TMC7: variants seen among roughly 807,000 people sequenced by gnomAD.
TMC7 encodes transmembrane channel like 7.
TMC7 carries 54 observed loss-of-function variants against 82.9 expected under a neutral mutation model. The observed-to-expected ratio is 0.65, with a 90% CI of 0.52 to 0.82. TMC7 has a LOEUF of 0.82. Among genes scored for constraint, TMC7 ranks in the 40% least tolerant of loss-of-function variants. TMC7 has a pLI of 0.00. For synonymous variants in TMC7, 350 were observed against 337.9 expected (o/e 1.04, Z -0.39); for missense variants, 820 against 901.2 (o/e 0.91, Z 1.15).
chr16:19,003,420 C>T (rs1197175220), intron 1 of TMC7, among the ~76,000 whole-genome samples: 5 of 148,880 alleles, frequency 3.4e-5, no homozygotes, highest in Non-Finnish European at 7.4e-5. Context: ...GGGGTCAGCC[C>T]CCCTGCCCGG....
chr16:19,017,739 G>A (rs911558016), intron 3 of TMC7, among the ~76,000 whole-genome samples: 6 of 144,510 alleles, frequency 4.2e-5, no homozygotes, highest in Middle Eastern at 3.6e-3. Context: ...GTGCAATCTC[G>A]GCTCACTGCA....
chr16:19,041,579 C>T (rs577402581), intron 9 of TMC7, among the ~76,000 whole-genome samples: 7 of 152,050 alleles, frequency 4.6e-5, no homozygotes, highest in Non-Finnish European at 1.0e-4. Context: ...ACCATGTTGG[C>T]CAGGCTGGTC....
intron 2 of TMC7, among the ~76,000 whole-genome samples, chr16:19,010,500 G>A (rs893900088): frequency 6.6e-6 from 1 of 152,108 alleles, no homozygotes; most frequent in Non-Finnish European, 1.5e-5. Context: ...AGGTCAGTGG[G>A]GGACTTTGCA....
intron 1 of TMC7, among the ~76,000 whole-genome samples, chr16:19,006,921 ATTC>A (rs2039250149): frequency 6.6e-6 from 1 of 151,702 alleles, no homozygotes; most frequent in African/African-American, 2.4e-5. Context: ...GGTTCAAGCT[ATTC>A]TTCTACCTCA....
intron 11 of TMC7, among the ~76,000 whole-genome samples, chr16:19,046,811 T>TAAC (rs1455569577): frequency 6.8e-6 from 1 of 146,072 alleles, no homozygotes; most frequent in African/African-American, 2.6e-5. Flanking sequence ...CCATACTGAG[T>TAAC]AACAGAGTGA....
intron 1 of TMC7, among the ~76,000 whole-genome samples, chr16:18,991,304 T>G (rs1420354204): frequency 2.0e-5 from 3 of 152,122 alleles, no homozygotes; most frequent in Non-Finnish European, 4.4e-5. Flanking sequence ...AAACAGGTAT[T>G]AAAGGACTAA....
chr16:19,026,120 T>TA (rs1483534613), intron 5 of TMC7, among the ~76,000 whole-genome samples: 1 of 151,382 alleles, frequency 6.6e-6, no homozygotes, highest in Non-Finnish European at 1.5e-5. Context: ...CACGTTTTCC[T>TA]AAAAACAACC....
In TMC7 at chr16:19,029,806, G is replaced by A. The variant is rs564608013; in HGVS notation, c.712-418G>A. Among the ~76,000 whole-genome samples, 55 of 151,346 alleles carry A rather than the reference G, an allele frequency of 3.6e-4. No individual in the cohort carries two copies. In the South Asian group the frequency reaches 0.011, roughly 31 times the overall value. Reference sequence around the variant, plus strand: ...AGTGATTCTCCTGCCTCAGCCTCCCGAGTTCAAGTGATTCTCCTGCCTCAG... The same window carrying A: ...AGTGATTCTCCTGCCTCAGCCTCCCAAGTTCAAGTGATTCTCCTGCCTCAG... On this transcript the variant is annotated intron_variant, in intron 5 of 15. Transcript: ENST00000304381.
intron 2 of TMC7, among the ~76,000 whole-genome samples, chr16:19,013,406 A>G (rs1959489880): frequency 6.6e-6 from 1 of 151,288 alleles, no homozygotes; most frequent in East Asian, 2.0e-4. Flanking sequence ...TAGTAGAGAC[A>G]GGGTTTCTCC....
At chr16:18,986,379 A>G (rs1481433548) in intron 1 of TMC7, among the ~76,000 whole-genome samples, 1 of 142,180 alleles carries the variant, frequency 7.0e-6, no homozygotes, top group African/African-American at 2.7e-5. Flanking sequence ...TGGGTGACAG[A>G]GACTCTGTCT....
chr16:18,992,167 G>GCCACA (rs1285131103), intron 1 of TMC7, among the ~76,000 whole-genome samples: 1 of 152,170 alleles, frequency 6.6e-6, no homozygotes, highest in African/African-American at 2.4e-5. Context: ...CTGAGGAATT[G>GCCACA]CCACACTGTC....
intron 6 of TMC7, among the ~76,000 whole-genome samples, chr16:19,032,547 T>TAAA (rs199666328): frequency 0.01 from 1,351 of 132,568 alleles, 30 homozygotes; most frequent in African/African-American, 0.035. Flanking sequence ...TTGTAAATGA[T>TAAA]AAAAAAAAAA....
intron 1 of TMC7, among the ~76,000 whole-genome samples, chr16:18,986,030 C>A (rs2142103120): frequency 6.9e-6 from 1 of 145,126 alleles, no homozygotes; most frequent in South Asian, 2.2e-4. Context: ...TAGACCCTGT[C>A]TCTAAAAAAA....
chr16:19,031,885 T>C (rs1020055309), intron 6 of TMC7, among the ~76,000 whole-genome samples: 3 of 152,096 alleles, frequency 2.0e-5, no homozygotes, highest in Non-Finnish European at 4.4e-5. Context: ...GCGGATGGTA[T>C]TTATAGGCCA....
At chr16:19,029,500 G>A (rs1215214261) in intron 5 of TMC7, among the ~76,000 whole-genome samples, 1 of 152,020 alleles carries the variant, frequency 6.6e-6, no homozygotes, top group Non-Finnish European at 1.5e-5. Flanking sequence ...CTCCTGAGCA[G>A]CTGGGACCAT....
intron 13 of TMC7, among the ~76,000 whole-genome samples, chr16:19,055,273 A>ATTAAGAAGAT (rs1446974942): frequency 1.3e-5 from 2 of 152,204 alleles, no homozygotes. Flanking sequence ...TGTTTCCACA[A>ATTAAGAAGAT]TAATATATCA....
intron 1 of TMC7, among the ~76,000 whole-genome samples, chr16:18,996,999 G>A (rs2039054598): frequency 6.6e-6 from 1 of 152,232 alleles, no homozygotes. Flanking sequence ...GAATTGGAAT[G>A]ACAGGGAGAT....
intron 5 of TMC7, among the ~76,000 whole-genome samples, chr16:19,026,408 T>C (rs1596759624): frequency 6.8e-6 from 1 of 146,640 alleles, no homozygotes; most frequent in Non-Finnish European, 1.5e-5. Context: ...ACCTGGGAGG[T>C]GGAGCTTGCA....
intron 2 of TMC7, among the ~76,000 whole-genome samples, 175 bp downstream of exon 2, chr16:19,009,590 C>T (rs1186267368): frequency 6.6e-6 from 1 of 151,788 alleles, no homozygotes; most frequent in Non-Finnish European, 1.5e-5. Context: ...TACTGCTTCA[C>T]TTGACTAGCC....
Sources: gnomAD v4.1 joint callset for allele counts (sites outside exome capture counted in the v4.1 genomes callset) on GRCh38, gnomAD v4.1.1 for gene constraint, MANE v1.5 for transcripts, NCBI Gene and HGNC (gene_info 2026-07-23, HGNC 2026-07-21) for gene names.